The following SOX5 variants were observed in gnomAD, a reference collection of about 807,000 sequenced individuals.
SOX5 encodes the protein transcription factor SOX-5.
A neutral mutation model predicts 92.0 loss-of-function variants in SOX5; 9 were observed. The ratio of observed to expected loss-of-function variants is 0.10; its 90% CI spans 0.06 to 0.17. The LOEUF is 0.17. Among genes scored for constraint, SOX5 ranks in the 10% least tolerant of loss-of-function variants. SOX5 has a pLI of 1.00. For synonymous variants in SOX5, 344 were observed against 336.3 expected (o/e 1.02, Z -0.25); for missense variants, 642 against 944.5 (o/e 0.68, Z 4.20).
chr12:23,707,447 T>C (rs2091530335), intron 6 of SOX5, among the ~76,000 whole-genome samples: 2 of 152,110 alleles, frequency 1.3e-5, no homozygotes, highest in African/African-American at 4.8e-5. Context: ...AGACTGAATG[T>C]GTATGGCATT....
chr12:24,001,692 A>G (rs1592216277), intron 4 of SOX5, among the ~76,000 whole-genome samples: 1 of 152,304 alleles, frequency 6.6e-6, no homozygotes, highest in Middle Eastern at 3.4e-3. Flanking sequence ...TCTGTACACC[A>G]CTAATAATTA....
At chr12:24,351,097 T>A (rs1954028303) in intron 2 of SOX5, among the ~76,000 whole-genome samples, 1 of 151,968 alleles carries the variant, frequency 6.6e-6, no homozygotes, top group South Asian at 2.1e-4. Flanking sequence ...AAGAACTCAA[T>A]AAGTGGTAGA....
In SOX5 at chr12:23,654,402, C is replaced by A. The variant is rs546437898; in HGVS notation, c.931+11042G>T. Among the ~76,000 whole-genome samples, 526 of 152,118 alleles carry A rather than the reference C, an allele frequency of 3.5e-3. 7 individuals are homozygous for A. Among genetic ancestry groups the A allele is most frequent in the Non-Finnish European group, 4.3e-3 (293 of 67,940 alleles). The stretch of plus-strand genomic sequence containing the variant: ...ATGATTTCTGTTCATCAACAAGAAT[C>A]TTTTATTATGATTTCATTAAAGCAC... On this transcript the variant is annotated intron_variant, in intron 7 of 14. Coordinates refer to ENST00000451604, the MANE Select transcript of SOX5 (RefSeq NM_006940.6).
intron 4 of SOX5, among the ~76,000 whole-genome samples, chr12:24,143,664 A>T (rs111694253): frequency 6.6e-6 from 1 of 152,176 alleles, no homozygotes; most frequent in South Asian, 2.1e-4. Flanking sequence ...ATACAGAAAT[A>T]GACACAATCT....
chr12:23,753,213 C>T (rs1280756490), intron 4 of SOX5, among the ~76,000 whole-genome samples: 1 of 151,570 alleles, frequency 6.6e-6, no homozygotes, highest in African/African-American at 2.4e-5. Context: ...TAAACCCTTC[C>T]AAGCTATGAT....
chr12:23,766,701 A>G (rs1218412902), intron 3 of SOX5, among the ~76,000 whole-genome samples: 7 of 152,162 alleles, frequency 4.6e-5, no homozygotes, highest in Non-Finnish European at 8.8e-5. Flanking sequence ...TAAATATTAA[A>G]TATTATCAAC....
At chr12:23,851,830 G>A (rs1367391625) in intron 2 of SOX5, among the ~76,000 whole-genome samples, 1 of 151,860 alleles carries the variant, frequency 6.6e-6, no homozygotes. Flanking sequence ...GGGATCCTTA[G>A]TGCCTAAACA....
At chr12:24,336,727 G>A (rs1015414438) in intron 2 of SOX5, among the ~76,000 whole-genome samples, 2 of 152,154 alleles carry the variant, frequency 1.3e-5, no homozygotes, top group African/African-American at 2.4e-5. Flanking sequence ...CCCTCTCCCT[G>A]TTAAAGACAT....
At chr12:23,713,102 A>G (rs2092198932) in intron 6 of SOX5, among the ~76,000 whole-genome samples, 1 of 152,190 alleles carries the variant, frequency 6.6e-6, no homozygotes, top group Non-Finnish European at 1.5e-5. Flanking sequence ...GTTTCCTTAT[A>G]AGAGAATGGA....
chr12:24,224,377 T>C (rs1202020522), intron 3 of SOX5, among the ~76,000 whole-genome samples: 1 of 152,122 alleles, frequency 6.6e-6, no homozygotes, highest in African/African-American at 2.4e-5. Flanking sequence ...ATATAAATTA[T>C]CTAGAGAGTA....
intron 6 of SOX5, among the ~76,000 whole-genome samples, chr12:23,712,296 T>C (rs933209638): frequency 6.6e-6 from 1 of 152,160 alleles, no homozygotes; most frequent in African/African-American, 2.4e-5. Context: ...TAGAGTATGG[T>C]GGTAGTAAGA....
chr12:24,293,489 G>A lies in SOX5; in HGVS notation c.-173-16177C>T, dbSNP rs1436253794. Among the ~76,000 whole-genome samples, 3 of 152,086 alleles carry A rather than the reference G, an allele frequency of 2.0e-5. No individual in the cohort carries two copies. The South Asian group carries it at 6.2e-4, about 32-fold the overall frequency. On this transcript the variant is annotated intron_variant, in intron 2 of 4. Coordinates refer to the SOX5 transcript ENST00000446891. ...TTTTAAAATTTACATGGGTATGGCT[G>A]TATCTATAAAAAGAATCTTCAACAT...
chr12:24,322,390 T>C (rs907868901), intron 2 of SOX5, among the ~76,000 whole-genome samples: 4 of 4,646 alleles, frequency 8.6e-4, no homozygotes, highest in Non-Finnish European at 1.4e-3. Context: ...TTAGAAAGCA[T>C]AAAAACTAAA....
intron 4 of SOX5, among the ~76,000 whole-genome samples, chr12:24,084,099 A>G (rs1388529449): frequency 1.3e-5 from 2 of 152,098 alleles, no homozygotes; most frequent in East Asian, 3.9e-4. Context: ...ATGGTGGGCA[A>G]AAGAGGAAGT....
intron 2 of SOX5, among the ~76,000 whole-genome samples, chr12:23,888,671 G>C (rs976101054): frequency 1.3e-5 from 2 of 152,110 alleles, no homozygotes; most frequent in African/African-American, 4.8e-5. Context: ...ATTCCTGCTA[G>C]CCCTGGGGGT....
intron 7 of SOX5, among the ~76,000 whole-genome samples, chr12:23,663,752 A>C (rs1478951026): frequency 6.6e-6 from 1 of 152,162 alleles, no homozygotes; most frequent in Non-Finnish European, 1.5e-5. Flanking sequence ...ATTTAAAAAA[A>C]TCAGAATTTA....
chr12:24,181,561 T>C (rs1204678619), intron 4 of SOX5, among the ~76,000 whole-genome samples: 1 of 152,202 alleles, frequency 6.6e-6, no homozygotes. Context: ...TGGGTCTCAA[T>C]TTCCTCCTAT....
intron 6 of SOX5, among the ~76,000 whole-genome samples, chr12:23,696,353 G>C (rs1014284992): frequency 6.6e-6 from 1 of 152,122 alleles, no homozygotes; most frequent in African/African-American, 2.4e-5. Context: ...AGCTTTGGTA[G>C]TCTGCCTTTC....
intron 4 of SOX5, among the ~76,000 whole-genome samples, chr12:24,008,616 T>G (rs191280634): frequency 1.1e-4 from 16 of 152,304 alleles, no homozygotes; most frequent in Non-Finnish European, 1.3e-4. Flanking sequence ...TAATATTAAG[T>G]AAAAGAAATT....
Sources: allele counts gnomAD v4.1 joint callset (sites outside exome capture counted in the v4.1 genomes callset), GRCh38; gene constraint gnomAD v4.1.1; transcripts MANE v1.5; gene names NCBI Gene and HGNC (gene_info 2026-07-23, HGNC 2026-07-21).